Variants in DYNC2H1 observed in about 807,000 individuals in gnomAD.
DYNC2H1 encodes the protein cytoplasmic dynein 2 heavy chain 1.
In DYNC2H1, 410 loss-of-function variants were observed where a neutral mutation model predicts 570.0. The observed-to-expected ratio is 0.72, with a 90% CI of 0.66 to 0.78. The LOEUF (loss-of-function observed/expected upper bound fraction) is 0.78, where lower values mean the gene tolerates loss of function less well. Ranked by LOEUF, DYNC2H1 falls within the 30% of genes least tolerant of loss-of-function variation. The pLI, the probability that DYNC2H1 is intolerant of heterozygous loss-of-function variation, is 0.00. For synonymous variants in DYNC2H1, 1,688 were observed against 1,677.6 expected (o/e 1.01, Z -0.15); for missense variants, 4,865 against 5,046.4 (o/e 0.96, Z 1.09).
Position 103,472,460 on chromosome 11 carries a change from G to A in DYNC2H1, c.12765+3755G>A, listed in dbSNP as rs1180367338. Among the ~76,000 whole-genome samples the A allele has an allele frequency of 6.6e-6, 1 of 152,184 alleles. No individual in the cohort carries two copies. The highest frequency in any genetic ancestry group is 2.4e-5 in the African/African-American group (1 of 41,444). ...TTTTAGAAAATCGGTCTAGCAGTGA[G>A]TGGTTGGATAATAGATTGGCACACT... is the stretch of plus-strand genomic sequence containing the variant. On this transcript the variant is annotated intron_variant, in intron 88 of 88. Coordinates refer to ENST00000375735, the MANE Select transcript of DYNC2H1 (RefSeq NM_001377.3). The surrounding 1 kb of genome is among the most constrained non-coding windows in gnomAD (Gnocchi z 4.1).
In DYNC2H1 at chr11:103,237,559, T is replaced by C. The variant is rs542896326; in HGVS notation, c.9819+1020T>C. Among the ~76,000 whole-genome samples the C allele has an allele frequency of 9.3e-4, 142 of 152,012 alleles. 1 individual carries two copies. Among genetic ancestry groups the C allele is most frequent in the Non-Finnish European group, 1.8e-3 (119 of 67,934 alleles). On this transcript the variant is annotated intron_variant, in intron 63 of 88. Transcript: ENST00000375735. ...CTGTTTTTAAATTTACTTTTAAAATTTTTTTTATTATTTTCACAATGGAAT... is the reference window on the plus strand; with the variant it reads ...CTGTTTTTAAATTTACTTTTAAAATCTTTTTTATTATTTTCACAATGGAAT...
rs1373092595 is a variant in DYNC2H1, at chr11:103,277,049, A to AT, written c.10696-3293dup. The stretch of plus-strand genomic sequence containing the variant: ...TTCTTATTTTAACATATGCCACTTA[A>AT]TTTTTTAAATTACAAGTTATTCATG... On this transcript the variant is annotated intron_variant, in intron 70 of 88. Coordinates refer to ENST00000375735, the MANE Select transcript of DYNC2H1 (RefSeq NM_001377.3). This position sits in a 1 kb window ranked among gnomAD's most constrained non-coding sequence, Gnocchi z 4.3. 6.6e-6 allele frequency among the ~76,000 whole-genome samples: 1 copy of AT among 152,042 alleles called. No homozygotes were observed. Among genetic ancestry groups the AT allele is most frequent in the Non-Finnish European group, 1.5e-5 (1 of 67,948 alleles).
intron 70 of DYNC2H1, among the ~76,000 whole-genome samples, chr11:103,272,716 A>T (rs979895720): frequency 8.5e-5 from 13 of 152,166 alleles, no homozygotes; most frequent in African/African-American, 3.1e-4. Flanking sequence ...TCACTTTAAG[A>T]TGTCCTAATG....
intron 17 of DYNC2H1, among the ~76,000 whole-genome samples, chr11:103,140,702 G>C (rs1859864633): frequency 6.6e-6 from 1 of 152,114 alleles, no homozygotes; most frequent in South Asian, 2.1e-4. Flanking sequence ...CTCTTCTCGA[G>C]GAGTATCTTT....
intron 87 of DYNC2H1, among the ~76,000 whole-genome samples, chr11:103,463,990 T>G (rs922564039): frequency 1.3e-5 from 2 of 152,076 alleles, no homozygotes; most frequent in African/African-American, 4.8e-5. Context: ...TACAGAGGTC[T>G]ATGGAGGGAA....
intron 83 of DYNC2H1, among the ~76,000 whole-genome samples, chr11:103,398,843 A>G (rs773238216): frequency 3.2e-4 from 48 of 152,188 alleles, no homozygotes; most frequent in Non-Finnish European, 5.6e-4. Context: ...GTTAAAGCAT[A>G]TATATAGAAA....
chr11:103,200,761 G>C (rs1565390778), intron 50 of DYNC2H1, among the ~76,000 whole-genome samples: 1 of 152,142 alleles, frequency 6.6e-6, no homozygotes, highest in Non-Finnish European at 1.5e-5. Flanking sequence ...CTGGAAAAAT[G>C]CACATTCTCC....
rs1309108752 is a variant in DYNC2H1, at chr11:103,326,090, A to C, written c.12039+2100A>C. On this transcript the variant is annotated intron_variant, in intron 82 of 88. Transcript: ENST00000375735. The surrounding 1 kb of genome is among the most constrained non-coding windows in gnomAD (Gnocchi z 6.1). Reference sequence around the variant, plus strand: ...TTCTTGCTCTTGGTTTCCGGCATCTATTAGCAGAATAATGTTTAGTGTTGT... The same window carrying C: ...TTCTTGCTCTTGGTTTCCGGCATCTCTTAGCAGAATAATGTTTAGTGTTGT... 1.3e-5 allele frequency among the ~76,000 whole-genome samples: 2 copies of C among 152,170 alleles called. No individual in the cohort carries two copies. Among genetic ancestry groups the C allele is most frequent in the African/African-American group, 4.8e-5 (2 of 41,424 alleles).
At position 103,115,183 on chromosome 11, in the gene DYNC2H1, T is replaced by G. The variant is rs781152098; in HGVS notation, c.509T>G (p.Leu170Arg). The G allele has an allele frequency of 2.4e-5, 39 of 1,607,670 alleles. No individual in the cohort carries two copies. Among genetic ancestry groups the G allele is most frequent in the Non-Finnish European group, 3.2e-5 (38 of 1,176,650 alleles). The part of the protein sequence containing the change: ...KFKEDDTRGI[L>R]TPSDEFQFWI... ...CCCCTCTTGACTTTTATAGGTATCC[T>G]TACACCAAGCGATGAGTTCCAGTTT... The change falls in exon 4 of 89, where the codon CTT (leucine) becomes CGT (arginine). Residue 170 changes from leucine to arginine, a missense_variant. Around this residue, in one of 5 missense-constraint regions of DYNC2H1, gnomAD observed 1,936 missense variants for 1,962.1 expected, o/e 0.99. Coordinates refer to ENST00000375735, the MANE Select transcript of DYNC2H1 (RefSeq NM_001377.3).
chr11:103,383,568 C>T (rs2671395), intron 83 of DYNC2H1, among the ~76,000 whole-genome samples: 2 of 151,004 alleles, frequency 1.3e-5, no homozygotes, highest in African/African-American at 2.4e-5. Context: ...CTGCCTCCCG[C>T]GTTCACGCCA....
intron 65 of DYNC2H1, among the ~76,000 whole-genome samples, chr11:103,251,053 T>C (rs1864809771): frequency 6.6e-6 from 1 of 152,098 alleles, no homozygotes; most frequent in Admixed American, 6.6e-5. Flanking sequence ...AGTGTCAAGT[T>C]TGTTAATTGT....
intron 43 of DYNC2H1, 28 bp from the exon 44 acceptor site, chr11:103,188,468 AC>A: frequency 6.8e-7 from 1 of 1,472,072 alleles, no homozygotes. Context: ...TAGATAAAAA[AC>A]GTTTAAAATA....
At chr11:103,294,009 G>A (rs1045243649) in intron 75 of DYNC2H1, among the ~76,000 whole-genome samples, 1 of 152,030 alleles carries the variant, frequency 6.6e-6, no homozygotes, top group Non-Finnish European at 1.5e-5. Context: ...TCTGGGAGAG[G>A]CAGAGGTTGC....
In DYNC2H1 at chr11:103,303,161, C is replaced by T. The variant is rs894605129; in HGVS notation, c.11164C>T (p.Pro3722Ser). The T allele has an allele frequency of 1.2e-6, 2 of 1,612,024 alleles. No individual in the cohort carries two copies. Among genetic ancestry groups the T allele is most frequent in the African/African-American group, 1.3e-5 (1 of 74,968 alleles). Reference protein sequence around the residue: ...RLYKETLEIEPILIIISPGAD... With the variant: ...RLYKETLEIESILIIISPGAD... ...ATACAAAGAGACACTGGAAATTGAACCCATCTTGATAATTATTTCTCCGGG... is the reference window on the plus strand; with the variant it reads ...ATACAAAGAGACACTGGAAATTGAATCCATCTTGATAATTATTTCTCCGGG... The change falls in exon 76 of 89, where the codon CCC becomes TCC. Residue 3722 changes from proline to serine, a missense_variant. By Grantham distance (74) the Pro-to-Ser change is moderately conservative. Coordinates refer to ENST00000375735, the MANE Select transcript of DYNC2H1 (RefSeq NM_001377.3).
intron 13 of DYNC2H1, among the ~76,000 whole-genome samples, chr11:103,131,280 T>G (rs1859252708): frequency 6.6e-6 from 1 of 152,180 alleles, no homozygotes; most frequent in African/African-American, 2.4e-5. Flanking sequence ...TATAGTTATA[T>G]TTTTTACTTA....
chr11:103,301,384 T>C lies in DYNC2H1; in HGVS notation c.11096-1709T>C, dbSNP rs116387359. ...CCATGTACATTTTTAAGACTTTTGA[T>C]ACACTTTATTAAATCAGACAATATA... On this transcript the variant is annotated intron_variant, in intron 75 of 88. Transcript: ENST00000375735. Among the ~76,000 whole-genome samples the C allele has an allele frequency of 9.0e-3, 1,363 of 152,088 alleles. 28 individuals are homozygous for C. Among genetic ancestry groups the C allele is most frequent in the African/African-American group, 0.03 (1,258 of 41,560 alleles).
chr11:103,385,369 C>T (rs1401258698), intron 83 of DYNC2H1, among the ~76,000 whole-genome samples: 1 of 152,052 alleles, frequency 6.6e-6, no homozygotes, highest in African/African-American at 2.4e-5. Flanking sequence ...TTTTTTTCTA[C>T]ATGATGCATT....
Position 103,191,521 on chromosome 11 carries a change from G to A in DYNC2H1, c.7442G>A (p.Arg2481Gln), listed in dbSNP as rs781326398. 32 of 1,601,412 alleles carry A rather than the reference G, an allele frequency of 2.0e-5. No homozygotes were observed. Among genetic ancestry groups the A allele is most frequent in the Admixed American group, 1.2e-4 (7 of 58,612 alleles). Residue 2481 changes from arginine (R) to glutamine (Q), a missense_variant, in exon 46 of 89, where the codon CGA becomes CAA. By Grantham distance (43) the Arg-to-Gln change is conservative (BLOSUM62 1). Transcript: ENST00000375735. ...GSMVQVYEQV[R>Q]AKFTVDDYSH... ...TTACTGTATTTTCTTTTTCAGGTGCGAGCCAAATTTACAGTTGATGATTAT... is the reference window on the plus strand; with the variant it reads ...TTACTGTATTTTCTTTTTCAGGTGCAAGCCAAATTTACAGTTGATGATTAT...
chr11:103,460,025 G>A (rs905469777), intron 87 of DYNC2H1, among the ~76,000 whole-genome samples: 5 of 150,394 alleles, frequency 3.3e-5, no homozygotes, highest in African/African-American at 1.2e-4. Flanking sequence ...TAATTTTGTC[G>A]TTTTGTTTTG....
Sources: gnomAD v4.1 joint callset for allele counts (sites outside exome capture counted in the v4.1 genomes callset) on GRCh38, gnomAD v4.1.1 for gene constraint, gnomAD v4.1.1 regional missense constraint, Gnocchi (gnomAD v3.1) non-coding constraint, MANE v1.5 for transcripts, NCBI Gene and HGNC (gene_info 2026-07-23, HGNC 2026-07-21) for gene names.